Variants in ABCB11 observed in about 807,000 individuals in gnomAD.
The protein encoded by ABCB11 is bile salt export pump.
Under a neutral mutation model 148.0 loss-of-function variants are expected in ABCB11, and 95 were observed. The observed-to-expected ratio is 0.64, with a 90% confidence interval of 0.54 to 0.76. The LOEUF (loss-of-function observed/expected upper bound fraction) is 0.76, where lower values mean the gene tolerates loss of function less well. ABCB11 is among the 30% of genes least tolerant of loss of function. The pLI is 0.00. For synonymous variants in ABCB11, 591 were observed against 555.4 expected (o/e 1.06, Z -0.90); for missense variants, 1,523 against 1,617.8 (o/e 0.94, Z 1.01).
intron 25 of ABCB11, among the ~76,000 whole-genome samples, chr2:168,929,517 G>T (rs1242242477): frequency 6.6e-6 from 1 of 152,174 alleles, no homozygotes; most frequent in Non-Finnish European, 1.5e-5. Flanking sequence ...GCTGTCAATT[G>T]ATTTTCAACT....
intron 5 of ABCB11, among the ~76,000 whole-genome samples, chr2:169,007,981 G>C (rs1695073629): frequency 6.6e-6 from 1 of 152,082 alleles, no homozygotes; most frequent in Non-Finnish European, 1.5e-5. Flanking sequence ...TACATATTTT[G>C]TTATATTATT....
intron 12 of ABCB11, 48 bp from the exon 13 acceptor site, chr2:168,973,888 A>T (rs758199471): frequency 2.5e-6 from 4 of 1,598,208 alleles, no homozygotes; most frequent in Non-Finnish European, 3.4e-6. Context: ...CTGTTTACCA[A>T]ATCAAACAAT....
chr2:168,973,658 A>G, intron 13 of ABCB11, 57 bp downstream of exon 13: 1 of 1,590,178 alleles, frequency 6.3e-7, no homozygotes, highest in Non-Finnish European at 8.6e-7. Flanking sequence ...TGATCAATAT[A>G]CTGCCATTTG....
intron 27 of ABCB11, 63 bp downstream of exon 27, chr2:168,924,594 G>A: frequency 6.5e-7 from 1 of 1,534,402 alleles, no homozygotes; most frequent in Admixed American, 1.8e-5. Flanking sequence ...TTTTATTAAG[G>A]ACAAATTTTA....
chr2:168,982,389 T>C (rs1426492923), intron 10 of ABCB11, among the ~76,000 whole-genome samples: 1 of 152,192 alleles, frequency 6.6e-6, no homozygotes, highest in Non-Finnish European at 1.5e-5. Flanking sequence ...TATTACATAA[T>C]ACGTCACTCA....
intron 17 of ABCB11, among the ~76,000 whole-genome samples, chr2:168,967,782 A>C (rs968784701): frequency 2.0e-5 from 3 of 151,968 alleles, no homozygotes; most frequent in Admixed American, 6.6e-5. Context: ...TCAGAGGAGC[A>C]GTTTTATTGA....
intron 5 of ABCB11, among the ~76,000 whole-genome samples, chr2:169,012,801 C>T (rs1027517127): frequency 6.6e-6 from 1 of 151,176 alleles, no homozygotes; most frequent in Non-Finnish European, 1.5e-5. Flanking sequence ...ACTAGTGTAC[C>T]TTACTCAAAG....
intron 19 of ABCB11, among the ~76,000 whole-genome samples, chr2:168,946,080 A>C (rs868040921): frequency 6.6e-6 from 1 of 151,908 alleles, no homozygotes. Context: ...GAAAAATGAA[A>C]GAACATACTC....
chr2:168,943,038 AC>A (rs1440239234), intron 21 of ABCB11, among the ~76,000 whole-genome samples: 1 of 151,980 alleles, frequency 6.6e-6, no homozygotes, highest in Non-Finnish European at 1.5e-5. Flanking sequence ...TTTTTAAAAA[AC>A]AACAAAAGTA....
intron 5 of ABCB11, among the ~76,000 whole-genome samples, chr2:169,000,478 A>AT (rs1402763635): frequency 6.6e-6 from 1 of 151,980 alleles, no homozygotes. Context: ...GTGTAATTTC[A>AT]TTTTTTTGCC....
rs112265817 is a variant in ABCB11 at position 168,954,508 on chromosome 2, T to TGAC, written c.2343+3453_2343+3455dup. Among the ~76,000 whole-genome samples, 209 of 151,698 alleles carry TGAC rather than the reference T, an allele frequency of 1.4e-3. 4 individuals are homozygous for TGAC. The highest frequency in any genetic ancestry group is 4.5e-3 in the African/African-American group (186 of 41,482). Reference sequence around the variant, plus strand: ...TCTGGCAGGACACAAAATTCTTGGCTGACAGTTTTTTTTTTCCTTTCAGCA... The same window carrying TGAC: ...TCTGGCAGGACACAAAATTCTTGGCTGACGACAGTTTTTTTTTTCCTTTCAGCA... On this transcript the variant is annotated intron_variant, in intron 19 of 27. Transcript: ENST00000650372.
Position 168,936,381 on chromosome 2 carries a change from A to C in ABCB11, c.2663T>G (p.Val888Gly). 1 of 1,613,998 alleles carries C rather than the reference A, an allele frequency of 6.2e-7. No homozygotes were observed. The highest frequency in any genetic ancestry group is 8.5e-7 in the Non-Finnish European group (1 of 1,179,894). Residue 888 changes from valine to glycine, a missense_variant, in exon 22 of 28, where the codon GTG (valine) becomes GGG (glycine). Physicochemically the swap from Val to Gly is moderately radical, Grantham distance 109 (BLOSUM62 -3). Coordinates refer to ENST00000650372, the MANE Select transcript of ABCB11 (RefSeq NM_003742.4). ...AAAGGAGAAGGCAATGATCATGGCC[A>C]CAGTGACGTTAGTGAAGGAATTGAC... is the stretch of plus-strand genomic sequence containing the variant. ...MIVNSFTNVT[V>G]AMIIAFSFSW...
intron 5 of ABCB11, among the ~76,000 whole-genome samples, chr2:169,012,829 GA>G (rs1695229754): frequency 2.0e-5 from 3 of 151,856 alleles, no homozygotes. Context: ...GCCTGTTCAT[GA>G]AATTCCCATT....
chr2:168,971,961 G>A lies in ABCB11; in HGVS notation c.1524C>T (p.Phe508=), dbSNP rs780698425. The part of the protein sequence containing the change: ...IGIVEQEPVL[F]STTIAENIRY... Reference sequence around the variant, plus strand: ...GAATATTTTCTGCAATGGTGGTAGAGAACAGAACTGGCTCTTGCTCCACTA... The same window carrying A: ...GAATATTTTCTGCAATGGTGGTAGAAAACAGAACTGGCTCTTGCTCCACTA... Residue 508 remains phenylalanine, a synonymous_variant, in exon 14 of 28, where the codon TTC becomes TTT. Transcript: ENST00000650372. 7.4e-6 allele frequency: 12 copies of A among 1,612,936 alleles called. No individual in the cohort carries two copies. The South Asian group carries it at 1.2e-4, about 16-fold the overall frequency.
At chr2:168,945,280 CT>C (rs1212392648) in intron 19 of ABCB11, among the ~76,000 whole-genome samples, 11 of 151,752 alleles carry the variant, frequency 7.2e-5, no homozygotes, top group Non-Finnish European at 5.9e-5. Context: ...TAAAAGTGCT[CT>C]AAAAAATAAA....
intron 23 of ABCB11, among the ~76,000 whole-genome samples, chr2:168,933,107 T>TC (rs1691655169): frequency 1.5e-5 from 1 of 65,638 alleles, no homozygotes; most frequent in Non-Finnish European, 3.2e-5. Flanking sequence ...AGACTCCGTC[T>TC]CAAAAAAAAA....
chr2:169,017,351 G>A (rs1695395104), intron 2 of ABCB11, among the ~76,000 whole-genome samples: 1 of 152,058 alleles, frequency 6.6e-6, no homozygotes, highest in Non-Finnish European at 1.5e-5. Context: ...GAAAGTCAGT[G>A]ATTATAGCCA....
intron 23 of ABCB11, among the ~76,000 whole-genome samples, chr2:168,934,927 C>T (rs1420780252): frequency 2.0e-5 from 3 of 152,022 alleles, no homozygotes; most frequent in Admixed American, 6.5e-5. Context: ...ACTCTGAGGC[C>T]ATAATATGAA....
intron 9 of ABCB11, among the ~76,000 whole-genome samples, chr2:168,987,172 C>T (rs1386799463): frequency 6.6e-6 from 1 of 152,070 alleles, no homozygotes; most frequent in Non-Finnish European, 1.5e-5. Context: ...ATCCTATTCT[C>T]TTTTTTACTT....
Sources: allele counts gnomAD v4.1 joint callset (sites outside exome capture counted in the v4.1 genomes callset), GRCh38; gene constraint gnomAD v4.1.1; transcripts MANE v1.5; gene names NCBI Gene and HGNC (gene_info 2026-07-23, HGNC 2026-07-21).